PDE7A: variants seen among roughly 807,000 people sequenced by gnomAD.
PDE7A encodes the protein phosphodiesterase 7A.
A neutral mutation model predicts 64.3 loss-of-function variants in PDE7A; 39 were observed. The observed-to-expected ratio is 0.61, with a 90% confidence interval of 0.47 to 0.79. PDE7A has a LOEUF of 0.79. PDE7A is among the 30% of genes least tolerant of loss of function. PDE7A has a pLI of 0.00. For missense variants in PDE7A, 470 were observed against 582.8 expected (o/e 0.81, Z 1.99); for synonymous variants, 203 against 206.8 (o/e 0.98, Z 0.16).
chr8:65,801,481 C>T (rs753174986), intron 1 of PDE7A, among the ~76,000 whole-genome samples: 9 of 152,094 alleles, frequency 5.9e-5, no homozygotes, highest in Non-Finnish European at 1.2e-4. Context: ...ATTTTCACAA[C>T]CTCATGGGTC....
Position 65,719,257 on chromosome 8 carries a change from C to T in PDE7A, c.*33G>A. On this transcript the variant is annotated 3_prime_UTR_variant, in exon 13 of 13. Transcript: ENST00000401827. Reference sequence around the variant, plus strand: ...CCCCATTTCACATTTCTAAAAACCTCCAGGAGGCAGTTTGTCCCACTGGTT... The same window carrying T: ...CCCCATTTCACATTTCTAAAAACCTTCAGGAGGCAGTTTGTCCCACTGGTT... 6.7e-7 allele frequency: 1 copy of T among 1,503,724 alleles called. No homozygotes were observed. Among genetic ancestry groups the T allele is most frequent in the Admixed American group, 1.7e-5 (1 of 59,852 alleles). The allele number at this position is 1,503,724 out of a possible 1,614,324, so 93.1% of individuals were successfully genotyped here.
At chr8:65,733,140 TGAAAA>T (rs1806971498) in intron 7 of PDE7A, among the ~76,000 whole-genome samples, 1 of 152,230 alleles carries the variant, frequency 6.6e-6, no homozygotes, top group African/African-American at 2.4e-5. Context: ...ATGTTAAGGA[TGAAAA>T]GTGTTTAAGT....
chr8:65,815,195 TA>T (rs1239101545), intron 1 of PDE7A, among the ~76,000 whole-genome samples: 2 of 152,190 alleles, frequency 1.3e-5, no homozygotes, highest in Non-Finnish European at 2.9e-5. Context: ...GGTTTTAAAT[TA>T]AATACATAGT....
intron 7 of PDE7A, 139 bp downstream of exon 7, chr8:65,734,655 C>T (rs1215136845): frequency 1.7e-6 from 1 of 581,436 alleles, no homozygotes; most frequent in East Asian, 2.8e-5. Flanking sequence ...GATTCAGAAA[C>T]TTGATCCAGC....
intron 1 of PDE7A, among the ~76,000 whole-genome samples, chr8:65,828,916 T>A (rs996280665): frequency 6.6e-6 from 1 of 152,114 alleles, no homozygotes; most frequent in Non-Finnish European, 1.5e-5. Context: ...TTCTACCGAG[T>A]AGTCTTATAT....
intron 3 of PDE7A, among the ~76,000 whole-genome samples, chr8:65,756,347 C>T (rs1808239118): frequency 6.6e-6 from 1 of 152,078 alleles, no homozygotes; most frequent in African/African-American, 2.4e-5. Flanking sequence ...TTTTTCTGCC[C>T]CTTTTTCTTT....
chr8:65,785,193 A>G (rs1317689118), intron 1 of PDE7A, among the ~76,000 whole-genome samples: 2 of 152,178 alleles, frequency 1.3e-5, no homozygotes, highest in East Asian at 3.8e-4. Context: ...AAAAATTTCA[A>G]ACAAAGATAA....
In PDE7A at chr8:65,719,004, A is replaced by G; in HGVS notation, c.*286T>C. On this transcript the variant is annotated 3_prime_UTR_variant, in exon 13 of 13. Transcript: ENST00000401827. ...TTAGATGCTTTGAAAAAGTCGTGGC[A>G]CATATCAAAACTTCCTTTGTTACTC... The G allele has an allele frequency of 2.3e-6, 1 of 443,132 alleles. No individual in the cohort carries two copies. 27.5% of individuals were successfully genotyped at this position (443,132 alleles called of 1,614,324 possible).
chr8:65,780,032 A>G (rs1269075537), intron 2 of PDE7A, among the ~76,000 whole-genome samples: 1 of 152,044 alleles, frequency 6.6e-6, no homozygotes, highest in African/African-American at 2.4e-5. Flanking sequence ...CCCTATAATA[A>G]TTATTATAAT....
chr8:65,732,866 TTTTC>T (rs775336847), intron 7 of PDE7A, among the ~76,000 whole-genome samples: 24 of 152,270 alleles, frequency 1.6e-4, no homozygotes, highest in South Asian at 2.1e-4. Context: ...CTCTGTTTTT[TTTTC>T]TTTCTATCTT....
At chr8:65,723,647 T>G (rs1806487839) in intron 11 of PDE7A, 26 bp from the exon 12 acceptor site, 2 of 1,451,458 alleles carry the variant, frequency 1.4e-6, no homozygotes, top group Admixed American at 4.4e-5. Context: ...AGAGAAGTAT[T>G]AATATGAAGA....
At chr8:65,826,606 T>TTA (rs1185350074) in intron 1 of PDE7A, among the ~76,000 whole-genome samples, 1 of 152,208 alleles carries the variant, frequency 6.6e-6, no homozygotes, top group Non-Finnish European at 1.5e-5. Flanking sequence ...AATGTCTTAT[T>TTA]TATCTCTGTA....
At chr8:65,732,860 G>GT (rs540746744) in intron 7 of PDE7A, among the ~76,000 whole-genome samples, 10 of 150,964 alleles carry the variant, frequency 6.6e-5, no homozygotes, top group African/African-American at 1.2e-4. Flanking sequence ...GAGTGACTCT[G>GT]TTTTTTTTTC....
rs1351252476 is a variant in PDE7A at position 65,714,905 on chromosome 8, C to T, written c.*4385G>A. The T allele has an allele frequency of 6.6e-6, 1 of 152,116 alleles. No individual in the cohort carries two copies. Among genetic ancestry groups the T allele is most frequent in the Non-Finnish European group, 1.5e-5 (1 of 68,026 alleles). The allele number at this position is 152,116 out of a possible 1,614,324, so 9.4% of individuals were successfully genotyped here. A position where few individuals can be genotyped will look rare whatever the true frequency, so the allele number is the denominator to read the frequency against. Reference sequence around the variant, plus strand: ...CAAAGGACATAAAATATGATTTTTACTTTTATACAGAGTATCATTACCAAC... The same window carrying T: ...CAAAGGACATAAAATATGATTTTTATTTTTATACAGAGTATCATTACCAAC... On this transcript the variant is annotated 3_prime_UTR_variant, in exon 13 of 13. Transcript: ENST00000401827.
chr8:65,751,576 T>C (rs1807965548), intron 3 of PDE7A, among the ~76,000 whole-genome samples: 1 of 151,968 alleles, frequency 6.6e-6, no homozygotes, highest in South Asian at 2.1e-4. Context: ...CACCGCAACC[T>C]CCGCCTCCGG....
chr8:65,739,171 A>G (rs1409074359), intron 6 of PDE7A, among the ~76,000 whole-genome samples: 1 of 152,234 alleles, frequency 6.6e-6, no homozygotes, highest in Non-Finnish European at 1.5e-5. Context: ...TTATGGTGCC[A>G]AACTCCTCTG....
chr8:65,796,059 T>A (rs1809833524), intron 1 of PDE7A, among the ~76,000 whole-genome samples: 1 of 146,144 alleles, frequency 6.8e-6, no homozygotes, highest in Admixed American at 6.8e-5. Flanking sequence ...TAAGAAAAGA[T>A]CAATAGAAAT....
intron 1 of PDE7A, chr8:65,789,194 T>A: frequency 2.0e-6 from 1 of 505,184 alleles, no homozygotes; most frequent in Non-Finnish European, 3.1e-6. Context: ...CTAAGTAATG[T>A]TGGAAGAGGG....
chr8:65,724,937 T>C lies in PDE7A; in HGVS notation c.921-16A>G. 6.4e-7 allele frequency: 1 copy of C among 1,551,494 alleles called. No individual in the cohort carries two copies. The highest frequency in any genetic ancestry group is 1.4e-5 in the African/African-American group (1 of 72,614). ...CATTTGTTGCCTGGAAATAGAGAAATATAAAGAGAAAATATAAGACTTTCA... is the reference window on the plus strand; with the variant it reads ...CATTTGTTGCCTGGAAATAGAGAAACATAAAGAGAAAATATAAGACTTTCA... On this transcript the variant is annotated splice_polypyrimidine_tract_variant and intron_variant, in intron 9 of 12. Transcript: ENST00000401827.
Sources: allele counts gnomAD v4.1 joint callset (sites outside exome capture counted in the v4.1 genomes callset), GRCh38; gene constraint gnomAD v4.1.1; transcripts MANE v1.5; gene names NCBI Gene and HGNC (gene_info 2026-07-23, HGNC 2026-07-21).